ORC5: variants seen among roughly 807,000 people sequenced by gnomAD.
The protein encoded by ORC5 is protein phosphatase 1, regulatory subunit 117.
A neutral mutation model predicts 58.8 loss-of-function variants in ORC5; 39 were observed. The observed-to-expected ratio is 0.66, with a 90% CI of 0.51 to 0.87. The LOEUF is 0.87. Among genes scored for constraint, ORC5 ranks in the 40% least tolerant of loss-of-function variants. The pLI is 0.00. For synonymous variants in ORC5, 218 were observed against 177.6 expected, an observed-to-expected ratio of 1.23 and a Z score of -1.81; for missense variants, 493 against 506.3, an observed-to-expected ratio of 0.97 and a Z score of 0.25.
At chr7:104,137,760 C>G (rs1393327461) in intron 12 of ORC5, among the ~76,000 whole-genome samples, 1 of 152,128 alleles carries the variant, frequency 6.6e-6, no homozygotes, top group Non-Finnish European at 1.5e-5. Flanking sequence ...AACCACCTTC[C>G]CACTCCATCC....
intron 8 of ORC5, among the ~76,000 whole-genome samples, chr7:104,171,294 C>T (rs1799206650): frequency 6.6e-6 from 1 of 152,188 alleles, no homozygotes; most frequent in Non-Finnish European, 1.5e-5. Flanking sequence ...AATACCTTTA[C>T]ATGGCTTTTC....
At position 104,134,697 on chromosome 7, in the gene ORC5, A is replaced by C. The variant is rs570477926; in HGVS notation, c.1262+2084T>G. The stretch of plus-strand genomic sequence containing the variant: ...TGAGAAAATACATAGCTACAACTAG[A>C]GGTAAGTCCAGGGGAAGCAGCATCC... On this transcript the variant is annotated intron_variant, in intron 13 of 13. Coordinates refer to ENST00000297431, the MANE Select transcript of ORC5 (RefSeq NM_002553.4). Among the ~76,000 whole-genome samples the C allele has an allele frequency of 6.2e-4, 95 of 152,258 alleles. 2 individuals are homozygous for C. The highest frequency in any genetic ancestry group is 3.3e-3 in the South Asian group (16 of 4,818).
intron 2 of ORC5, among the ~76,000 whole-genome samples, chr7:104,203,476 CA>C (rs1799996070): frequency 6.6e-6 from 1 of 152,308 alleles, no homozygotes; most frequent in South Asian, 2.1e-4. Context: ...CAATACTCAT[CA>C]ATAATAGCAG....
intron 12 of ORC5, among the ~76,000 whole-genome samples, chr7:104,147,375 AT>A (rs1269576511): frequency 6.6e-6 from 1 of 152,108 alleles, no homozygotes; most frequent in African/African-American, 2.4e-5. Flanking sequence ...GGAGTGTTCT[AT>A]TTTTCCAAAT....
At chr7:104,204,753 G>A (rs1800032600) in intron 1 of ORC5, among the ~76,000 whole-genome samples, 1 of 152,100 alleles carries the variant, frequency 6.6e-6, no homozygotes, top group Non-Finnish European at 1.5e-5. Flanking sequence ...ACTGATGCTG[G>A]CATAAATGCA....
chr7:104,146,837 T>C (rs529417107), intron 12 of ORC5, among the ~76,000 whole-genome samples: 4 of 152,292 alleles, frequency 2.6e-5, no homozygotes, highest in South Asian at 2.1e-4. Context: ...ATGAGATCAG[T>C]AGATTGCATT....
chr7:104,169,937 C>A (rs994813803), intron 8 of ORC5, among the ~76,000 whole-genome samples: 1 of 152,160 alleles, frequency 6.6e-6, no homozygotes, highest in Non-Finnish European at 1.5e-5. Context: ...TGTTCATCAT[C>A]AATCCTTTTG....
At chr7:104,159,279 A>G (rs1798982894) in intron 12 of ORC5, among the ~76,000 whole-genome samples, 1 of 133,342 alleles carries the variant, frequency 7.5e-6, no homozygotes, top group Admixed American at 8.3e-5. Flanking sequence ...TTGAACAATG[A>G]GAACACATGG....
At chr7:104,137,160 T>A (rs1798603212) in intron 12 of ORC5, among the ~76,000 whole-genome samples, 1 of 150,790 alleles carries the variant, frequency 6.6e-6, no homozygotes, top group African/African-American at 2.4e-5. Flanking sequence ...TAGAGTGGCA[T>A]GGCTTGATCA....
At chr7:104,185,398 A>G (rs1428561907) in intron 6 of ORC5, among the ~76,000 whole-genome samples, 1 of 152,160 alleles carries the variant, frequency 6.6e-6, no homozygotes, top group Non-Finnish European at 1.5e-5. Flanking sequence ...TTGTTCTTTT[A>G]GGTTATATTT....
chr7:104,187,714 A>C (rs1244963895), intron 6 of ORC5: 12 of 940,698 alleles, frequency 1.3e-5, no homozygotes, highest in Non-Finnish European at 1.5e-5. Flanking sequence ...AGCTATTCTA[A>C]TTGTTAAAAA....
chr7:104,156,076 G>A (rs1357640428), intron 12 of ORC5, among the ~76,000 whole-genome samples: 2 of 151,500 alleles, frequency 1.3e-5, no homozygotes, highest in Admixed American at 1.3e-4. Flanking sequence ...GATGAGAGCA[G>A]AAAGGAAAGG....
At chr7:104,182,155 C>T (rs1562821888) in intron 8 of ORC5, among the ~76,000 whole-genome samples, 2 of 152,114 alleles carry the variant, frequency 1.3e-5, no homozygotes, top group Admixed American at 6.6e-5. Flanking sequence ...TTCCTGAAGC[C>T]TTATACATTG....
chr7:104,150,990 T>C (rs551878085), intron 12 of ORC5, among the ~76,000 whole-genome samples: 2 of 152,248 alleles, frequency 1.3e-5, no homozygotes, highest in South Asian at 4.1e-4. Context: ...AGATGGACCA[T>C]GATGCGTAAA....
intron 8 of ORC5, among the ~76,000 whole-genome samples, chr7:104,173,424 T>C (rs1164948993): frequency 1.3e-5 from 2 of 152,216 alleles, no homozygotes; most frequent in African/African-American, 4.8e-5. Context: ...CTCTGTTGTT[T>C]AGGTTGACAT....
At chr7:104,148,878 A>C (rs1173203405) in intron 12 of ORC5, among the ~76,000 whole-genome samples, 1 of 152,116 alleles carries the variant, frequency 6.6e-6, no homozygotes, top group East Asian at 1.9e-4. Flanking sequence ...TATTAAAGAT[A>C]CAAAAATTAG....
chr7:104,175,805 T>C (rs770547350), intron 8 of ORC5, among the ~76,000 whole-genome samples: 3 of 152,182 alleles, frequency 2.0e-5, no homozygotes, highest in Non-Finnish European at 2.9e-5. Context: ...TCATCCACAA[T>C]GACTAGTCAA....
chr7:104,205,272 T>C (rs1218708715), intron 1 of ORC5, among the ~76,000 whole-genome samples: 1 of 152,048 alleles, frequency 6.6e-6, no homozygotes, highest in East Asian at 1.9e-4. Context: ...GTATTTTTAG[T>C]TAAGACGGAG....
chr7:104,130,660 C>T (rs912915803), intron 13 of ORC5, among the ~76,000 whole-genome samples: 4 of 152,162 alleles, frequency 2.6e-5, no homozygotes, highest in African/African-American at 9.7e-5. Context: ...TCTTTCTTAC[C>T]TCCAATAACC....
Sources: allele counts gnomAD v4.1 joint callset (sites outside exome capture counted in the v4.1 genomes callset), GRCh38; gene constraint gnomAD v4.1.1; transcripts MANE v1.5; gene names NCBI Gene and HGNC (gene_info 2026-07-23, HGNC 2026-07-21).